LMCD1: variants seen among roughly 807,000 people sequenced by gnomAD.
LMCD1 encodes LIM and cysteine rich domains 1.
Under a neutral mutation model 42.7 loss-of-function variants are expected in LMCD1, and 32 were observed. The ratio of observed to expected loss-of-function variants is 0.75; its 90% CI spans 0.57 to 1.01. The LOEUF (loss-of-function observed/expected upper bound fraction) is 1.01. LMCD1 is among the 50% of genes least tolerant of loss of function. LMCD1 has a pLI of 0.00. For missense variants in LMCD1, 458 were observed against 483.1 expected (o/e 0.95, Z 0.49); for synonymous variants, 178 against 184.9 (o/e 0.96, Z 0.30).
intron 1 of LMCD1, among the ~76,000 whole-genome samples, chr3:8,507,966 A>G (rs1690528324): frequency 6.6e-6 from 1 of 152,140 alleles, no homozygotes; most frequent in South Asian, 2.1e-4. Flanking sequence ...CATTTGCAAA[A>G]TGTTGCTAGG....
intron 4 of LMCD1, chr3:8,550,225 G>A (rs1279640653): frequency 8.0e-6 from 9 of 1,128,596 alleles, no homozygotes; most frequent in East Asian, 1.1e-4. Context: ...TGGGTCTAGC[G>A]TGTACTGCGT....
intron 3 of LMCD1, among the ~76,000 whole-genome samples, chr3:8,544,283 T>C (rs6443194): frequency 0.48 from 72,195 of 151,964 alleles, 17,806 homozygotes; most frequent in Non-Finnish European, 0.54. Context: ...CAGTCTGACA[T>C]AGAGAGCAGC....
At chr3:8,533,584 G>A (rs149741203) in intron 2 of LMCD1, among the ~76,000 whole-genome samples, 3 of 152,170 alleles carry the variant, frequency 2.0e-5, no homozygotes, top group Non-Finnish European at 2.9e-5. Flanking sequence ...TCAGTGGGGG[G>A]ACAAAGTTTG....
chr3:8,507,096 A>G (rs1488807494), intron 1 of LMCD1, among the ~76,000 whole-genome samples: 1 of 152,220 alleles, frequency 6.6e-6, no homozygotes, highest in Non-Finnish European at 1.5e-5. Context: ...CTACTGTCTC[A>G]CCAGGTGCAG....
At chr3:8,515,154 C>T (rs575331595) in intron 1 of LMCD1, among the ~76,000 whole-genome samples, 1 of 152,256 alleles carries the variant, frequency 6.6e-6, no homozygotes, top group Non-Finnish European at 1.5e-5. Context: ...TAGGGGAGAA[C>T]TTTGTCTCCA....
intron 4 of LMCD1, among the ~76,000 whole-genome samples, chr3:8,559,038 G>A (rs1694978167): frequency 6.6e-6 from 1 of 151,824 alleles, no homozygotes; most frequent in Admixed American, 6.6e-5. Context: ...CCAGGGGCAG[G>A]ATCAGATATG....
intron 4 of LMCD1, among the ~76,000 whole-genome samples, chr3:8,554,489 G>A (rs958670677): frequency 1.3e-5 from 2 of 152,192 alleles, no homozygotes; most frequent in South Asian, 2.1e-4. Context: ...TCTTATCTGC[G>A]TACTGAGAAC....
intron 4 of LMCD1, among the ~76,000 whole-genome samples, chr3:8,561,575 C>T (rs1418373193): frequency 1.3e-5 from 2 of 152,212 alleles, no homozygotes; most frequent in Admixed American, 1.3e-4. Flanking sequence ...CTCAAGTCCA[C>T]ATGATGGAGT....
At position 8,520,290 on chromosome 3, in the gene LMCD1, A is replaced by G. The variant is rs532281965; in HGVS notation, c.43-12447A>G. Among the ~76,000 whole-genome samples the G allele has an allele frequency of 8.1e-4, 123 of 152,298 alleles. 2 individuals are homozygous for G. Among genetic ancestry groups the G allele is most frequent in the Admixed American group, 2.2e-3 (34 of 15,296 alleles). On this transcript the variant is annotated intron_variant, in intron 1 of 5. Transcript: ENST00000157600. Reference sequence around the variant, plus strand: ...GACATTCTTAAGACATCAGGCTGCTAAAATCAGGAGCATCTTATAAAACTA... The same window carrying G: ...GACATTCTTAAGACATCAGGCTGCTGAAATCAGGAGCATCTTATAAAACTA...
At chr3:8,533,131 G>A (rs1694444849) in intron 2 of LMCD1, among the ~76,000 whole-genome samples, 1 of 152,140 alleles carries the variant, frequency 6.6e-6, no homozygotes, top group East Asian at 1.9e-4. Context: ...AGGTTAGCTG[G>A]TCCCTTGTGC....
At chr3:8,536,048 C>T (rs999634096) in intron 2 of LMCD1, among the ~76,000 whole-genome samples, 1 of 152,208 alleles carries the variant, frequency 6.6e-6, no homozygotes, top group Non-Finnish European at 1.5e-5. Flanking sequence ...GGCTTGCCCC[C>T]ACTAGCCCCA....
rs1695176251 is a variant in LMCD1 at position 8,569,201 on chromosome 3, C to T, written c.*1603C>T. On this transcript the variant is annotated 3_prime_UTR_variant, in exon 6 of 6. Coordinates refer to ENST00000157600, the MANE Select transcript of LMCD1 (RefSeq NM_014583.4). Reference sequence around the variant, plus strand: ...TTTCTGGCCTTGGAGCCCTTTATTTCCCTAGATTTCTAGTTCCCTATTTCT... The same window carrying T: ...TTTCTGGCCTTGGAGCCCTTTATTTTCCTAGATTTCTAGTTCCCTATTTCT... 6.6e-6 allele frequency: 1 copy of T among 152,198 alleles called. No homozygotes were observed. Among genetic ancestry groups the T allele is most frequent in the African/African-American group, 2.4e-5 (1 of 41,442 alleles). The allele number at this position is 152,198 out of a possible 1,614,324, so 9.4% of individuals were successfully genotyped here.
chr3:8,507,176 G>T (rs1375030946), intron 1 of LMCD1, among the ~76,000 whole-genome samples: 3 of 152,182 alleles, frequency 2.0e-5, no homozygotes, highest in East Asian at 1.9e-4. Flanking sequence ...GGAACAATTG[G>T]TGTGTCCCAA....
At chr3:8,559,489 A>G (rs1694988832) in intron 4 of LMCD1, among the ~76,000 whole-genome samples, 1 of 152,206 alleles carries the variant, frequency 6.6e-6, no homozygotes, top group African/African-American at 2.4e-5. Flanking sequence ...AGGCACAGGT[A>G]AGTTAGTTCA....
At chr3:8,550,790 C>T (rs753524071) in intron 4 of LMCD1, 67 of 985,034 alleles carry the variant, frequency 6.8e-5, no homozygotes, top group Non-Finnish European at 7.4e-5. Context: ...GTTCATAAAC[C>T]CTAAATACTA....
At chr3:8,533,334 T>A (rs897372438) in intron 2 of LMCD1, among the ~76,000 whole-genome samples, 7 of 152,200 alleles carry the variant, frequency 4.6e-5, no homozygotes, top group African/African-American at 1.7e-4. Context: ...GGAGTTGGAT[T>A]CGCAGAGGTT....
At chr3:8,549,650 C>CTT (rs749355467) in intron 4 of LMCD1, among the ~76,000 whole-genome samples, 47 of 152,292 alleles carry the variant, frequency 3.1e-4, no homozygotes, top group Middle Eastern at 3.4e-3. Flanking sequence ...TGTCTTAGTA[C>CTT]ATTTTCTGTT....
intron 1 of LMCD1, among the ~76,000 whole-genome samples, chr3:8,527,816 G>A (rs1388403200): frequency 2.0e-5 from 3 of 152,160 alleles, no homozygotes; most frequent in South Asian, 2.1e-4. Flanking sequence ...CAAATATGAA[G>A]TGAAACTTAA....
intron 4 of LMCD1, chr3:8,549,856 C>A: frequency 1.4e-6 from 1 of 718,104 alleles, no homozygotes; most frequent in Non-Finnish European, 2.5e-6. Context: ...TAACTCGGGT[C>A]TCTCTTCCTC....
Sources: gnomAD v4.1 joint callset for allele counts (sites outside exome capture counted in the v4.1 genomes callset) on GRCh38, gnomAD v4.1.1 for gene constraint, MANE v1.5 for transcripts, NCBI Gene and HGNC (gene_info 2026-07-23, HGNC 2026-07-21) for gene names.